B3GALT1: variants seen among roughly 807,000 people sequenced by gnomAD.
B3GALT1 encodes the protein UDP-Gal:betaGlcNAc beta 1,3-galactosyltransferase, polypeptide 1.
A neutral mutation model predicts 23.2 loss-of-function variants in B3GALT1; 10 were observed. The ratio of observed to expected loss-of-function variants is 0.43; its 90% confidence interval spans 0.27 to 0.73. The LOEUF (loss-of-function observed/expected upper bound fraction) is 0.73. B3GALT1 is among the 30% of genes least tolerant of loss of function. B3GALT1 has a pLI of 0.21. For missense variants in B3GALT1, 299 were observed against 405.4 expected (o/e 0.74, Z 2.25); for synonymous variants, 156 against 141.5 (o/e 1.10, Z -0.73).
intron 2 of B3GALT1, among the ~76,000 whole-genome samples, chr2:167,605,907 T>A (rs1684954860): frequency 6.6e-6 from 1 of 152,156 alleles, no homozygotes. Context: ...AGTATAACTC[T>A]ATCTCCATTG....
chr2:167,665,393 A>G (rs1239300550), intron 3 of B3GALT1, among the ~76,000 whole-genome samples: 2 of 144,540 alleles, frequency 1.4e-5, no homozygotes, highest in African/African-American at 2.6e-5. Context: ...TTTTGCATCA[A>G]TGTTCATCAA....
intron 1 of B3GALT1, among the ~76,000 whole-genome samples, chr2:167,448,210 T>C (rs1363397318): frequency 2.0e-5 from 3 of 152,174 alleles, no homozygotes; most frequent in African/African-American, 7.2e-5. Flanking sequence ...CTGTTGTCCT[T>C]AGTGGTTGTA....
At chr2:167,820,691 T>C (rs372438183) in intron 4 of B3GALT1, among the ~76,000 whole-genome samples, 1 of 152,248 alleles carries the variant, frequency 6.6e-6, no homozygotes, top group African/African-American at 2.4e-5. Flanking sequence ...TGGAAGCTAT[T>C]TGTTAGTGCA....
chr2:167,659,822 C>T (rs1386381739), intron 3 of B3GALT1, among the ~76,000 whole-genome samples: 2 of 152,026 alleles, frequency 1.3e-5, no homozygotes, highest in Non-Finnish European at 2.9e-5. Context: ...GAGAGAGAAT[C>T]TCCTCTCTTC....
intron 2 of B3GALT1, among the ~76,000 whole-genome samples, chr2:167,578,762 A>G (rs1200038794): frequency 3.3e-5 from 5 of 151,944 alleles, no homozygotes; most frequent in Admixed American, 2.6e-4. Context: ...TTAACATAAT[A>G]TTTTTGTCAT....
intron 1 of B3GALT1, among the ~76,000 whole-genome samples, chr2:167,399,501 T>C (rs1698152643): frequency 6.6e-6 from 1 of 152,156 alleles, no homozygotes; most frequent in South Asian, 2.1e-4. Context: ...TTCTTTTTTC[T>C]TTTACATCCA....
chr2:167,857,848 C>T (rs140459489), intron 4 of B3GALT1, among the ~76,000 whole-genome samples: 18 of 152,194 alleles, frequency 1.2e-4, no homozygotes, highest in South Asian at 2.1e-4. Context: ...CTGATTCTAG[C>T]GCTGAAAATT....
chr2:167,557,057 A>G (rs1386714767), intron 2 of B3GALT1, among the ~76,000 whole-genome samples: 1 of 152,190 alleles, frequency 6.6e-6, no homozygotes, highest in African/African-American at 2.4e-5. Context: ...CATATTATAA[A>G]TCACTCTACA....
chr2:167,509,393 C>G (rs1318301910), intron 2 of B3GALT1, among the ~76,000 whole-genome samples: 1 of 151,902 alleles, frequency 6.6e-6, no homozygotes, highest in East Asian at 1.9e-4. Flanking sequence ...TTTCTGGTTT[C>G]AGGAGCTTAA....
intron 2 of B3GALT1, among the ~76,000 whole-genome samples, chr2:167,597,650 C>T (rs1295895285): frequency 5.3e-5 from 8 of 152,140 alleles, no homozygotes. Context: ...TCCGTGTTGC[C>T]TGACACATGA....
intron 4 of B3GALT1, among the ~76,000 whole-genome samples, chr2:167,851,017 A>T (rs1046145160): frequency 2.6e-5 from 4 of 152,344 alleles, no homozygotes; most frequent in African/African-American, 9.6e-5. Context: ...ATACAAAAAA[A>T]GCAAATTATC....
chr2:167,803,081 A>T (rs866587056), intron 3 of B3GALT1, among the ~76,000 whole-genome samples: 1 of 141,376 alleles, frequency 7.1e-6, no homozygotes. Flanking sequence ...GACCCTAACA[A>T]ACACACACAC....
At chr2:167,418,363 C>A (rs1420725380) in intron 1 of B3GALT1, among the ~76,000 whole-genome samples, 1 of 150,946 alleles carries the variant, frequency 6.6e-6, no homozygotes, top group Non-Finnish European at 1.5e-5. Context: ...TCCTTAGTGT[C>A]TTAGGGGAAG....
In B3GALT1 at chr2:167,736,125, A is replaced by G. The variant is rs572830944; in HGVS notation, c.-351-82547A>G. Among the ~76,000 whole-genome samples, 29 of 152,330 alleles carry G rather than the reference A, an allele frequency of 1.9e-4. No homozygotes were observed. In the East Asian group the frequency reaches 5.0e-3, roughly 26 times the overall value. On this transcript the variant is annotated intron_variant, in intron 3 of 4. Transcript: ENST00000392690. ...GTAGAAATTTCAGGATCTGAACCACAGTGAACCACTTCAGATTCCACAGCG... is the reference window on the plus strand; with the variant it reads ...GTAGAAATTTCAGGATCTGAACCACGGTGAACCACTTCAGATTCCACAGCG...
intron 3 of B3GALT1, among the ~76,000 whole-genome samples, chr2:167,809,590 A>G (rs1405379654): frequency 1.3e-5 from 2 of 152,234 alleles, no homozygotes; most frequent in Admixed American, 6.5e-5. Context: ...CAGAGGCTGC[A>G]GAACAGTGGA....
At position 167,555,007 on chromosome 2, in the gene B3GALT1, A is replaced by G. The variant is rs181027862; in HGVS notation, c.-410+64730A>G. On this transcript the variant is annotated intron_variant, in intron 2 of 4. Transcript: ENST00000392690. The stretch of plus-strand genomic sequence containing the variant: ...TTCTGGGTCTTCAAACATAAAATAG[A>G]TGACACAGAAATGACGTATGTGCTG... Among the ~76,000 whole-genome samples, 32 of 152,364 alleles carry G rather than the reference A, an allele frequency of 2.1e-4. No individual in the cohort carries two copies. The East Asian group carries it at 6.2e-3, about 29-fold the overall frequency.
chr2:167,738,221 C>T (rs79613889), intron 3 of B3GALT1, among the ~76,000 whole-genome samples: 19,328 of 152,138 alleles, frequency 0.13, 1,531 homozygotes, highest in South Asian at 0.2. Context: ...TTTCGAGAAG[C>T]ACAAAACACC....
At chr2:167,809,245 C>T (rs1264841351) in intron 3 of B3GALT1, among the ~76,000 whole-genome samples, 8 of 152,112 alleles carry the variant, frequency 5.3e-5, no homozygotes, top group African/African-American at 7.2e-5. Flanking sequence ...TCCTTTAGCT[C>T]GGAGTAGTTT....
At chr2:167,389,771 G>A (rs1697987854) in intron 1 of B3GALT1, among the ~76,000 whole-genome samples, 1 of 152,018 alleles carries the variant, frequency 6.6e-6, no homozygotes, top group Non-Finnish European at 1.5e-5. Context: ...TACTGGCCGG[G>A]CAGGGTGTCT....
Sources: gnomAD v4.1 joint callset for allele counts (sites outside exome capture counted in the v4.1 genomes callset) on GRCh38, gnomAD v4.1.1 for gene constraint, MANE v1.5 for transcripts, NCBI Gene and HGNC (gene_info 2026-07-23, HGNC 2026-07-21) for gene names.